Variants in PAIP2 observed in about 807,000 individuals in gnomAD.
PAIP2 encodes polyadenylate-binding protein-interacting protein 2.
PAIP2 carries 7 observed loss-of-function variants against 14.8 expected under a neutral mutation model. That is an observed-to-expected ratio of 0.47 (90% confidence interval 0.27 to 0.89). The LOEUF (loss-of-function observed/expected upper bound fraction) is 0.89, where lower values mean the gene tolerates loss of function less well. PAIP2 is among the 40% of genes least tolerant of loss of function. The pLI, the probability that PAIP2 is intolerant of heterozygous loss-of-function variation, is 0.13. For missense variants in PAIP2, 122 were observed against 154.7 expected (o/e 0.79, Z 1.12); for synonymous variants, 47 against 45.3 (o/e 1.04, Z -0.15).
At chr5:139,342,012 G>A (rs58758176) in intron 1 of PAIP2, 32 bp downstream of exon 1, 5,160 of 152,858 alleles carry the variant, frequency 0.034, 295 homozygotes, top group African/African-American at 0.12. Flanking sequence ...AGTGGCGACA[G>A]GGGTGCGGAG....
intron 2 of PAIP2, 84 bp from the exon 3 acceptor site, chr5:139,364,480 A>T: frequency 1.3e-6 from 1 of 762,992 alleles, no homozygotes; most frequent in Non-Finnish European, 2.1e-6. Context: ...TTGTGCCTTT[A>T]AATGGTTTAG....
intron 3 of PAIP2, among the ~76,000 whole-genome samples, 182 bp from the exon 4 acceptor site, chr5:139,368,551 A>T (rs772396286): frequency 6.6e-6 from 1 of 151,974 alleles, no homozygotes; most frequent in Non-Finnish European, 1.5e-5. Flanking sequence ...GAAAAAGTTG[A>T]TGTAATTTAA....
At chr5:139,368,608 T>C (rs1481543568) in intron 3 of PAIP2, 125 bp from the exon 4 acceptor site, 2 of 660,580 alleles carry the variant, frequency 3.0e-6, no homozygotes, top group South Asian at 1.9e-5. Flanking sequence ...GGGTTTAGTA[T>C]AGTCTTACAG....
At chr5:139,366,297 CTG>C (rs199951712) in intron 3 of PAIP2, among the ~76,000 whole-genome samples, 1 of 151,156 alleles carries the variant, frequency 6.6e-6, no homozygotes, top group African/African-American at 2.4e-5. Context: ...CTGAACTAAT[CTG>C]TACACCATGA....
intron 1 of PAIP2, among the ~76,000 whole-genome samples, chr5:139,352,763 G>A (rs1049360487): frequency 2.1e-4 from 32 of 150,430 alleles, no homozygotes; most frequent in Non-Finnish European, 4.1e-4. Flanking sequence ...GAGCCACCAC[G>A]CCCAGCCTAC....
At chr5:139,366,979 G>C (rs989964009) in intron 3 of PAIP2, among the ~76,000 whole-genome samples, 1 of 152,212 alleles carries the variant, frequency 6.6e-6, no homozygotes, top group Non-Finnish European at 1.5e-5. Flanking sequence ...AGGATCACTT[G>C]AGCCCAGGAG....
intron 1 of PAIP2, among the ~76,000 whole-genome samples, chr5:139,357,845 A>G (rs1756960079): frequency 6.6e-6 from 1 of 152,174 alleles, no homozygotes; most frequent in Non-Finnish European, 1.5e-5. Context: ...AAATAAAAAT[A>G]ATATTGATAT....
intron 1 of PAIP2, among the ~76,000 whole-genome samples, chr5:139,351,396 G>T (rs1351071436): frequency 6.6e-6 from 1 of 152,104 alleles, no homozygotes; most frequent in East Asian, 1.9e-4. Context: ...GAAGGGGGTG[G>T]TTGAATAAGT....
intron 1 of PAIP2, among the ~76,000 whole-genome samples, chr5:139,349,374 G>C (rs1369574066): frequency 6.6e-6 from 1 of 152,086 alleles, no homozygotes; most frequent in Non-Finnish European, 1.5e-5. Context: ...TCAGCTTCCT[G>C]ACTAGCTAGA....
Position 139,351,839 on chromosome 5 carries a change from T to A in PAIP2, c.-27+9859T>A, listed in dbSNP as rs185839763. ...ATGCCCAGCTAATTAAAAATGTTTT[T>A]TGTATAGATGGGCTCTTGGTATGTT... On this transcript the variant is annotated intron_variant, in intron 1 of 3. Transcript: ENST00000265192. Among the ~76,000 whole-genome samples, 360 of 152,184 alleles carry A rather than the reference T, an allele frequency of 2.4e-3. 2 individuals carry two copies. The highest frequency in any genetic ancestry group is 8.3e-3 in the African/African-American group (346 of 41,536).
intron 1 of PAIP2, among the ~76,000 whole-genome samples, chr5:139,345,959 A>G (rs2152044124): frequency 6.6e-6 from 1 of 152,242 alleles, no homozygotes; most frequent in Admixed American, 6.5e-5. Flanking sequence ...TTCTTAAAAG[A>G]TGAAACTAGT....
rs3828601 is a variant in PAIP2, at chr5:139,368,786, C to T, written c.372C>T (p.Tyr124=). 362 of 1,611,862 alleles carry T rather than the reference C, an allele frequency of 2.2e-4. 5 individuals carry two copies. In the East Asian group the frequency reaches 7.7e-3, roughly 34 times the overall value. ...NAKEFVPGVK[Y]GNI ...AGGAGTTTGTTCCTGGGGTGAAGTA[C>T]GGAAATATTTGAGTAGACGGGGCCC... is the stretch of plus-strand genomic sequence containing the variant. The change falls in exon 4 of 4, where the codon TAC becomes TAT. Residue 124 remains tyrosine (Y), a synonymous_variant. Transcript: ENST00000265192.
intron 1 of PAIP2, among the ~76,000 whole-genome samples, chr5:139,351,605 CTATA>C (rs1169339393): frequency 6.6e-6 from 1 of 152,058 alleles, no homozygotes; most frequent in Admixed American, 6.6e-5. Context: ...GAGGGAAAAA[CTATA>C]TACGCTTTAG....
chr5:139,365,055 A>G (rs1343562546), intron 3 of PAIP2: 2 of 163,358 alleles, frequency 1.2e-5, no homozygotes, highest in African/African-American at 4.8e-5. Context: ...GAGGCAGGAG[A>G]ATCGCTTGAA....
At chr5:139,361,063 G>A (rs1396787829) in intron 1 of PAIP2, among the ~76,000 whole-genome samples, 1 of 152,146 alleles carries the variant, frequency 6.6e-6, no homozygotes, top group East Asian at 1.9e-4. Flanking sequence ...TTACTGGAGT[G>A]AGCCACAGTG....
intron 1 of PAIP2, among the ~76,000 whole-genome samples, chr5:139,356,811 C>T (rs1436555860): frequency 2.7e-5 from 4 of 149,608 alleles, no homozygotes; most frequent in African/African-American, 7.4e-5. Flanking sequence ...CGCTTGAACC[C>T]GGGAGGTGGA....
chr5:139,351,531 G>T (rs1489772759), intron 1 of PAIP2, among the ~76,000 whole-genome samples: 1 of 152,164 alleles, frequency 6.6e-6, no homozygotes, highest in South Asian at 2.1e-4. Context: ...TATAAACAAA[G>T]AATTATGAAA....
chr5:139,348,197 T>C (rs922314480), intron 1 of PAIP2, among the ~76,000 whole-genome samples: 2 of 151,770 alleles, frequency 1.3e-5, no homozygotes, highest in South Asian at 2.1e-4. Flanking sequence ...TTTATTTATT[T>C]ATATTTTTTG....
chr5:139,362,204 G>A (rs987221343), intron 1 of PAIP2, among the ~76,000 whole-genome samples: 4 of 151,880 alleles, frequency 2.6e-5, no homozygotes, highest in African/African-American at 9.7e-5. Context: ...CTTTCAGACC[G>A]TGTTTGGTTT....
Sources: gnomAD v4.1 joint callset for allele counts (sites outside exome capture counted in the v4.1 genomes callset) on GRCh38, gnomAD v4.1.1 for gene constraint, MANE v1.5 for transcripts, NCBI Gene and HGNC (gene_info 2026-07-23, HGNC 2026-07-21) for gene names.